The following SPATA22 variants were observed in gnomAD, a reference collection of about 807,000 sequenced individuals.
SPATA22 encodes spermatogenesis associated 22, also known as spermatogenesis-associated protein 22.
In SPATA22, 29 loss-of-function variants were observed where a neutral mutation model predicts 47.8. The observed-to-expected ratio is 0.61, with a 90% CI of 0.45 to 0.83. The LOEUF (loss-of-function observed/expected upper bound fraction) is 0.83, where lower values mean the gene tolerates loss of function less well. SPATA22 is among the 40% of genes least tolerant of loss of function. The probability of loss-of-function intolerance (pLI) is 0.00; values close to 1 mark genes in which losing one functional copy is unlikely to be tolerated. For synonymous variants in SPATA22, 133 were observed against 140.9 expected, an observed-to-expected ratio of 0.94 and a Z score of 0.40; for missense variants, 410 against 421.7, an observed-to-expected ratio of 0.97 and a Z score of 0.24.
At chr17:3,489,330 C>G in intron 1 of SPATA22, 3 of 1,603,272 alleles carry the variant, frequency 1.9e-6, no homozygotes, top group Non-Finnish European at 2.6e-6. Context: ...TTTTATACAT[C>G]ATTTCAATGA....
intron 1 of SPATA22, among the ~76,000 whole-genome samples, chr17:3,489,848 C>T (rs928154706): frequency 2.6e-5 from 4 of 152,126 alleles, no homozygotes; most frequent in Non-Finnish European, 2.9e-5. Context: ...TATTACCCAG[C>T]GATTCCACAT....
intron 1 of SPATA22, among the ~76,000 whole-genome samples, chr17:3,487,386 A>G (rs1031397016): frequency 2.0e-5 from 3 of 152,234 alleles, no homozygotes; most frequent in African/African-American, 7.2e-5. Flanking sequence ...ATTATTTACA[A>G]TGAGCTTAAT....
intron 1 of SPATA22, among the ~76,000 whole-genome samples, chr17:3,478,140 G>A (rs1012156088): frequency 2.0e-5 from 3 of 151,976 alleles, no homozygotes; most frequent in African/African-American, 2.4e-5. Context: ...AGCAGAGATG[G>A]TGCCACTGCA....
chr17:3,496,741 G>A (rs2073913228), intron 1 of SPATA22, among the ~76,000 whole-genome samples: 1 of 152,202 alleles, frequency 6.6e-6, no homozygotes, highest in Admixed American at 6.5e-5. Flanking sequence ...TCAAACTTGA[G>A]CCACATGACA....
intron 8 of SPATA22, 29 bp from the exon 9 acceptor site, chr17:3,440,367 A>G (rs780900251): frequency 2.0e-6 from 3 of 1,494,330 alleles, no homozygotes; most frequent in Non-Finnish European, 2.7e-6. Flanking sequence ...GTATCAAAAA[A>G]TAGTTATTAC....
rs898690999 is a variant in SPATA22, at chr17:3,494,223, C to A, written c.-74+19189G>T. 8.6e-6 allele frequency: 6 copies of A among 699,946 alleles called. No homozygotes were observed. The African/African-American group carries it at 8.8e-5, about 10-fold the overall frequency. The allele number at this position is 699,946 out of a possible 1,614,324, so 43.4% of individuals were successfully genotyped here. A position where few individuals can be genotyped will look rare whatever the true frequency, so the allele number is the denominator to read the frequency against. On this transcript the variant is annotated intron_variant, in intron 1 of 8. Transcript: ENST00000541913. ...TTCACCATGTTGGCCAGGCTGTTCT[C>A]GAACTCCTGACCTCAGGTGATCCAC...
intron 3 of SPATA22, among the ~76,000 whole-genome samples, chr17:3,463,952 CCTCTCCCTCTG>C (rs2073200905): frequency 5.4e-5 from 3 of 55,732 alleles, no homozygotes; most frequent in Non-Finnish European, 1.3e-4. Context: ...TCTCCCTCTG[CCTCTCCCTCTG>C]CCTCTCCCTC....
intron 1 of SPATA22, among the ~76,000 whole-genome samples, chr17:3,495,164 A>C (rs2073889190): frequency 6.6e-6 from 1 of 152,228 alleles, no homozygotes; most frequent in African/African-American, 2.4e-5. Context: ...GGAGAGAAGA[A>C]CAGATTTCCA....
At chr17:3,496,368 T>C (rs2073907278) in intron 1 of SPATA22, among the ~76,000 whole-genome samples, 1 of 152,106 alleles carries the variant, frequency 6.6e-6, no homozygotes, top group Non-Finnish European at 1.5e-5. Context: ...CAAAATAATA[T>C]AGCAGAGGGT....
intron 7 of SPATA22, among the ~76,000 whole-genome samples, chr17:3,446,125 A>G (rs1434188117): frequency 6.6e-6 from 1 of 152,072 alleles, no homozygotes; most frequent in Non-Finnish European, 1.5e-5. Flanking sequence ...GACCCTTGTG[A>G]TTACATTGAA....
chr17:3,449,107 A>T lies in SPATA22; in HGVS notation c.372T>A (p.Asn124Lys). Residue 124 changes from asparagine (N) to lysine (K), a missense_variant, in exon 6 of 9, where the codon AAT (asparagine) becomes AAA (lysine). Transcript: ENST00000572969. ...TACATTGAGGCTTAAAATCATTTTTATTCCAAGTTTTCAAGCTGGTATTTT... is the reference window on the plus strand; with the variant it reads ...TACATTGAGGCTTAAAATCATTTTTTTTCCAAGTTTTCAAGCTGGTATTTT... ...GNKNTSLKTWNKNDFKPQCKR... is the reference protein window; with the variant it reads ...GNKNTSLKTWKKNDFKPQCKR... 6.2e-7 allele frequency: 1 copy of T among 1,609,898 alleles called. No homozygotes were observed. Among genetic ancestry groups the T allele is most frequent in the Non-Finnish European group, 8.5e-7 (1 of 1,178,790 alleles).
intron 1 of SPATA22, among the ~76,000 whole-genome samples, chr17:3,510,246 C>G (rs1296167973): frequency 6.6e-6 from 1 of 152,124 alleles, no homozygotes; most frequent in Non-Finnish European, 1.5e-5. Context: ...GCCCGTGAGT[C>G]TCCTTTTATT....
intron 3 of SPATA22, 23 bp downstream of exon 3, chr17:3,467,403 T>G: frequency 6.4e-7 from 1 of 1,560,084 alleles, no homozygotes; most frequent in Non-Finnish European, 8.7e-7. Flanking sequence ...TCCTGAAAAT[T>G]TTTACCTTAT....
intron 1 of SPATA22, among the ~76,000 whole-genome samples, chr17:3,470,555 C>G (rs2073405586): frequency 6.6e-6 from 1 of 151,300 alleles, no homozygotes; most frequent in Admixed American, 6.6e-5. Context: ...CAAGACCATC[C>G]TGGCTAACAG....
intron 1 of SPATA22, among the ~76,000 whole-genome samples, chr17:3,505,368 G>C (rs946512610): frequency 4.6e-5 from 7 of 152,248 alleles, no homozygotes; most frequent in African/African-American, 1.7e-4. Context: ...TTCACGCATA[G>C]AAGGAGCTCA....
At position 3,471,524 on chromosome 17, in the gene SPATA22, A is replaced by ACACACACACCACC. The variant is rs142784503; in HGVS notation, c.-74+145_-74+157dup. 7,128 of 985,030 alleles carry ACACACACACCACC rather than the reference A, an allele frequency of 7.2e-3. 350 individuals are homozygous for ACACACACACCACC. The African/African-American group carries it at 0.11, about 16-fold the overall frequency. 61.0% of individuals were successfully genotyped at this position (985,030 alleles called of 1,614,324 possible). On this transcript the variant is annotated intron_variant, in intron 1 of 8. Transcript: ENST00000572969. ...AAGTGTGCTCAATCTGCACGCACAC[A>ACACACACACCACC]CACACACACCACCCACAAAAACCAC...
At chr17:3,460,080 G>A (rs967093085) in intron 5 of SPATA22, among the ~76,000 whole-genome samples, 2 of 152,152 alleles carry the variant, frequency 1.3e-5, no homozygotes, top group Non-Finnish European at 1.5e-5. Context: ...ACACAAGCAC[G>A]TTAGATAAAT....
chr17:3,448,900 T>A lies in SPATA22; in HGVS notation c.579A>T (p.Lys193Asn). Residue 193 changes from lysine (K) to asparagine (N), a missense_variant, in exon 6 of 9, where the codon AAA (lysine) becomes AAT (asparagine). Coordinates refer to ENST00000572969, the MANE Select transcript of SPATA22 (RefSeq NM_001170698.2). ...ISGCTMRGLD[K>N]NSALQTLKPN... ...GCTTAAGTGTCTGTAGTGCACTGTT[T>A]TTGTCTAGCCCTCTCATTGTGCAGC... 1 of 1,614,096 alleles carries A rather than the reference T, an allele frequency of 6.2e-7. No individual in the cohort carries two copies. The highest frequency in any genetic ancestry group is 8.5e-7 in the Non-Finnish European group (1 of 1,179,974).
At position 3,488,211 on chromosome 17, in the gene SPATA22, A is replaced by T. The variant is rs995952243; in HGVS notation, c.-73-18813T>A. ...GGGAGATGACTTTGTGGGAGACTTG[A>T]ACAGGAAGGAAGGGTCTACAAAAGT... On this transcript the variant is annotated intron_variant, in intron 1 of 8. Coordinates refer to the SPATA22 transcript ENST00000541913. This position sits in a 1 kb window ranked among gnomAD's most constrained non-coding sequence, Gnocchi z 6.1. Among the ~76,000 whole-genome samples the T allele has an allele frequency of 6.6e-6, 1 of 152,302 alleles. No homozygotes were observed. The highest frequency in any genetic ancestry group is 6.5e-5 in the Admixed American group (1 of 15,288).
Sources: allele counts gnomAD v4.1 joint callset (sites outside exome capture counted in the v4.1 genomes callset), GRCh38; gene constraint gnomAD v4.1.1; non-coding constraint Gnocchi (gnomAD v3.1); transcripts MANE v1.5; gene names NCBI Gene and HGNC (gene_info 2026-07-23, HGNC 2026-07-21).